FRMD8: variants seen among roughly 807,000 people sequenced by gnomAD.
FRMD8 encodes FERM domain-containing protein 8.
In FRMD8, 37 loss-of-function variants were observed where a neutral mutation model predicts 54.2. That is an observed-to-expected ratio of 0.68 (90% confidence interval 0.53 to 0.90). The LOEUF (loss-of-function observed/expected upper bound fraction) is 0.90, where lower values mean the gene tolerates loss of function less well. Among genes scored for constraint, FRMD8 ranks in the 40% least tolerant of loss-of-function variants. FRMD8 has a pLI of 0.00. For synonymous variants in FRMD8, 246 were observed against 286.9 expected (o/e 0.86, Z 1.44); for missense variants, 585 against 653.7 (o/e 0.89, Z 1.15).
At position 65,411,385 on chromosome 11, in the gene FRMD8, G is replaced by T; in HGVS notation, c.*25G>T. The T allele has an allele frequency of 6.8e-7, 1 of 1,480,356 alleles. No individual in the cohort carries two copies. Among genetic ancestry groups the T allele is most frequent in the Non-Finnish European group, 9.2e-7 (1 of 1,089,784 alleles). The allele number at this position is 1,480,356 out of a possible 1,614,324, so 91.7% of individuals were successfully genotyped here. ...AGGACGCTGCACCCGGCAGGAGGAGGGCGACTGGGGGCCCTGGCCCGGCAC... is the reference window on the plus strand; with the variant it reads ...AGGACGCTGCACCCGGCAGGAGGAGTGCGACTGGGGGCCCTGGCCCGGCAC... On this transcript the variant is annotated 3_prime_UTR_variant, in exon 11 of 11. Coordinates refer to ENST00000317568, the MANE Select transcript of FRMD8 (RefSeq NM_031904.5).
intron 10 of FRMD8, among the ~76,000 whole-genome samples, chr11:65,407,656 C>T (rs1351226624): frequency 1.3e-5 from 2 of 151,526 alleles, no homozygotes; most frequent in African/African-American, 2.4e-5. Context: ...TTTGGGAGGC[C>T]AAGGTGGGCA....
In FRMD8 at chr11:65,387,150, C is replaced by T. The variant is rs144532045; in HGVS notation, c.85+29C>T. ...GGTCCCACCCGCATCTCCTCTTCCA[C>T]ACCCTCCTGGGACCCCAGCCCTGGA... is the stretch of plus-strand genomic sequence containing the variant. On this transcript the variant is annotated intron_variant, in intron 2 of 10. Coordinates refer to ENST00000317568, the MANE Select transcript of FRMD8 (RefSeq NM_031904.5). 4.1e-4 allele frequency: 653 copies of T among 1,574,332 alleles called. 3 individuals carry two copies. The African/African-American group carries it at 7.5e-3, about 18-fold the overall frequency.
At chr11:65,391,460 T>G (rs1222886479) in intron 3 of FRMD8, among the ~76,000 whole-genome samples, 2 of 152,160 alleles carry the variant, frequency 1.3e-5, no homozygotes, top group Non-Finnish European at 2.9e-5. Context: ...TTCTAGATGC[T>G]GGGAATACAG....
chr11:65,369,593 G>C, the FRMD8 span, among the ~76,000 whole-genome samples: 1 of 151,350 alleles, frequency 6.6e-6, no homozygotes, highest in African/African-American at 2.4e-5. Flanking sequence ...AGCCAGGCTT[G>C]GTGGTGGGCA....
chr11:65,394,193 C>T, intron 5 of FRMD8, 66 bp from the exon 6 acceptor site: 1 of 1,594,380 alleles, frequency 6.3e-7, no homozygotes, highest in Non-Finnish European at 8.5e-7. Context: ...CTTGCCCCAG[C>T]CCAACTGAGC....
the FRMD8 span, chr11:65,376,529 T>C: frequency 6.2e-7 from 1 of 1,614,202 alleles, no homozygotes; most frequent in African/African-American, 1.3e-5. Flanking sequence ...TGCCGGATGC[T>C]GCTCACCATG....
the FRMD8 span, among the ~76,000 whole-genome samples, chr11:65,368,788 C>T: frequency 1.3e-5 from 2 of 152,060 alleles, no homozygotes; most frequent in Non-Finnish European, 2.9e-5. Context: ...TGGTCTTGAT[C>T]TCCTGACCTT....
chr11:65,379,827 C>T, the FRMD8 span: 11 of 1,610,656 alleles, frequency 6.8e-6, 1 homozygote, highest in East Asian at 2.5e-4. Flanking sequence ...CCAGATGCCT[C>T]CCCGAAAGGG....
Position 65,411,272 on chromosome 11 carries a change from GCA to G in FRMD8, c.1309_1310del (p.Thr437HisfsTer77). The G allele has an allele frequency of 6.2e-7, 1 of 1,609,572 alleles. No individual in the cohort carries two copies. The highest frequency in any genetic ancestry group is 8.5e-7 in the Non-Finnish European group (1 of 1,179,108). ...GGGATCAGGCGAGTGAAGCCGAAGC[GCA>G]CCACATCCTTCTTCAGCCGGCAGCT... On this transcript the variant is annotated frameshift_variant, in exon 11 of 11. Coordinates refer to ENST00000317568, the MANE Select transcript of FRMD8 (RefSeq NM_031904.5). LOFTEE classifies it high-confidence loss of function.
At chr11:65,371,849 C>T in the FRMD8 span, among the ~76,000 whole-genome samples, 1 of 152,130 alleles carries the variant, frequency 6.6e-6, no homozygotes, top group South Asian at 2.1e-4. Flanking sequence ...CTCCTGACCT[C>T]GTGATCTGCC....
At chr11:65,395,556 G>A (rs982350347) in intron 6 of FRMD8, among the ~76,000 whole-genome samples, 2 of 152,038 alleles carry the variant, frequency 1.3e-5, no homozygotes, top group South Asian at 4.1e-4. Flanking sequence ...GAAAAAAAAG[G>A]ACTGAGCGCT....
chr11:65,377,302 A>G, the FRMD8 span: 1 of 1,391,944 alleles, frequency 7.2e-7, no homozygotes. Flanking sequence ...AGTGAGAGGC[A>G]CTGCCCCTCA....
chr11:65,409,306 C>T (rs1024937714), intron 10 of FRMD8, among the ~76,000 whole-genome samples: 6 of 152,084 alleles, frequency 3.9e-5, no homozygotes, highest in South Asian at 2.1e-4. Flanking sequence ...AGGCTGGTCT[C>T]GAACTCCTGA....
chr11:65,396,387 G>A (rs1052337644), intron 6 of FRMD8, among the ~76,000 whole-genome samples: 2 of 152,184 alleles, frequency 1.3e-5, no homozygotes, highest in African/African-American at 4.8e-5. Context: ...GACGGGCAGA[G>A]GGACAGCCCC....
intron 10 of FRMD8, among the ~76,000 whole-genome samples, chr11:65,407,541 G>A (rs1263433040): frequency 1.4e-5 from 2 of 147,302 alleles, no homozygotes; most frequent in African/African-American, 2.5e-5. Flanking sequence ...GTGAGCCACC[G>A]CACCCGGCCA....
At position 65,394,440 on chromosome 11, in the gene FRMD8, G is replaced by A. The variant is rs1288407045; in HGVS notation, c.581+15G>A. ...TGCGACCTGAGGTGAGGGCCTGTGT[G>A]ACTTGAGGCGGGGGCGCTGGGTGGG... On this transcript the variant is annotated intron_variant, in intron 6 of 10. Coordinates refer to ENST00000317568, the MANE Select transcript of FRMD8 (RefSeq NM_031904.5). 2 of 1,559,418 alleles carry A rather than the reference G, an allele frequency of 1.3e-6. No individual in the cohort carries two copies. The highest frequency in any genetic ancestry group is 8.7e-7 in the Non-Finnish European group (1 of 1,155,958).
At chr11:65,396,067 G>A (rs760141761) in intron 6 of FRMD8, among the ~76,000 whole-genome samples, 4 of 152,218 alleles carry the variant, frequency 2.6e-5, no homozygotes, top group Non-Finnish European at 5.9e-5. Context: ...TGCTCAGGGT[G>A]GTGGGTTCCT....
At chr11:65,380,391 C>T in the FRMD8 span, 1 of 912,648 alleles carries the variant, frequency 1.1e-6, no homozygotes, top group Non-Finnish European at 1.6e-6. Context: ...GGACAAGGGA[C>T]TAAGACCCCA....
At chr11:65,389,259 G>C in intron 2 of FRMD8, 102 bp from the exon 3 acceptor site, 2 of 1,140,316 alleles carry the variant, frequency 1.8e-6, no homozygotes, top group Non-Finnish European at 2.6e-6. Flanking sequence ...GGGGTGTAGG[G>C]TGGGGGCTCC....
Sources: allele counts gnomAD v4.1 joint callset (sites outside exome capture counted in the v4.1 genomes callset), GRCh38; gene constraint gnomAD v4.1.1; transcripts MANE v1.5; gene names NCBI Gene and HGNC (gene_info 2026-07-23, HGNC 2026-07-21).